GRID1: variants seen among roughly 807,000 people sequenced by gnomAD.
GRID1 encodes glutamate receptor ionotropic, delta-1.
A neutral mutation model predicts 98.0 loss-of-function variants in GRID1; 28 were observed. The ratio of observed to expected loss-of-function variants is 0.29; its 90% confidence interval spans 0.21 to 0.39. The LOEUF (loss-of-function observed/expected upper bound fraction) is 0.39. GRID1 is among the 10% of genes least tolerant of loss of function. The pLI is 1.00. For missense variants in GRID1, 1,111 were observed against 1,340.5 expected (o/e 0.83, Z 2.67); for synonymous variants, 553 against 538.5 (o/e 1.03, Z -0.37).
intron 11 of GRID1, among the ~76,000 whole-genome samples, chr10:85,723,380 T>C (rs904913144): frequency 1.3e-5 from 2 of 152,168 alleles, no homozygotes; most frequent in Non-Finnish European, 2.9e-5. Flanking sequence ...ACTGGGCTTC[T>C]AGTGGTGCGA....
At chr10:85,915,538 T>C (rs1205070539) in intron 5 of GRID1, among the ~76,000 whole-genome samples, 2 of 150,380 alleles carry the variant, frequency 1.3e-5, no homozygotes, top group East Asian at 2.0e-4. Flanking sequence ...TACACACACA[T>C]ACACTTGCAC....
At chr10:86,340,060 C>G (rs1023717492) in intron 2 of GRID1, among the ~76,000 whole-genome samples, 7 of 152,000 alleles carry the variant, frequency 4.6e-5, no homozygotes, top group African/African-American at 1.7e-4. Flanking sequence ...ACAGCAGGGA[C>G]TGGAGGAGGG....
intron 3 of GRID1, among the ~76,000 whole-genome samples, chr10:86,172,422 G>T (rs1845506417): frequency 1.3e-5 from 2 of 152,062 alleles, no homozygotes; most frequent in Admixed American, 6.5e-5. Context: ...TCATCATTTT[G>T]CAGATAGGGA....
At chr10:85,629,456 T>G (rs1842950559) in intron 13 of GRID1, among the ~76,000 whole-genome samples, 1 of 149,454 alleles carries the variant, frequency 6.7e-6, no homozygotes, top group Non-Finnish European at 1.5e-5. Context: ...ATTATTTAGC[T>G]CCCACTTAAA....
At chr10:85,703,978 T>C (rs914943405) in intron 12 of GRID1, among the ~76,000 whole-genome samples, 1 of 152,182 alleles carries the variant, frequency 6.6e-6, no homozygotes, top group Non-Finnish European at 1.5e-5. Context: ...TTATTTCTCC[T>C]TCACTTATGA....
intron 10 of GRID1, among the ~76,000 whole-genome samples, chr10:85,726,563 G>T (rs1244358627): frequency 3.3e-5 from 5 of 152,166 alleles, no homozygotes; most frequent in Non-Finnish European, 7.4e-5. Flanking sequence ...GGGAGGAGGG[G>T]TTTGTCTGGC....
At chr10:85,670,322 C>T (rs572331319) in intron 12 of GRID1, among the ~76,000 whole-genome samples, 1 of 152,288 alleles carries the variant, frequency 6.6e-6, no homozygotes, top group Non-Finnish European at 1.5e-5. Flanking sequence ...GGCACCAATG[C>T]TGAGACTTGC....
chr10:86,163,506 G>A lies in GRID1; in HGVS notation c.521-24482C>T, dbSNP rs1845353571. On this transcript the variant is annotated intron_variant, in intron 3 of 15. Transcript: ENST00000327946. Reference sequence around the variant, plus strand: ...TATACATATGCCATGTTGGGATGCTGCACCCGTTAATTTGACGCATTTCTT... The same window carrying A: ...TATACATATGCCATGTTGGGATGCTACACCCGTTAATTTGACGCATTTCTT... Among the ~76,000 whole-genome samples the A allele has an allele frequency of 2.0e-5, 3 of 151,666 alleles. No homozygotes were observed. The South Asian group carries it at 6.3e-4, about 32-fold the overall frequency.
intron 2 of GRID1, among the ~76,000 whole-genome samples, chr10:86,330,256 C>T (rs917474841): frequency 1.3e-5 from 2 of 152,172 alleles, no homozygotes; most frequent in African/African-American, 4.8e-5. Context: ...GCGCCAATTT[C>T]CCTTCCTCCC....
At chr10:86,062,708 T>G (rs770478093) in intron 4 of GRID1, among the ~76,000 whole-genome samples, 1 of 152,198 alleles carries the variant, frequency 6.6e-6, no homozygotes, top group Non-Finnish European at 1.5e-5. Flanking sequence ...CCACCAGTCA[T>G]GTGCTCTCAC....
intron 2 of GRID1, among the ~76,000 whole-genome samples, chr10:86,357,927 G>A (rs1249462390): frequency 6.6e-6 from 1 of 152,232 alleles, no homozygotes; most frequent in African/African-American, 2.4e-5. Flanking sequence ...CCCTTGGGGT[G>A]TAGGTAGGCA....
At chr10:86,300,091 C>A (rs2607856) in intron 2 of GRID1, among the ~76,000 whole-genome samples, 143,144 of 152,154 alleles carry the variant, frequency 0.94, 67,847 homozygotes, top group African/African-American at 0.98. Flanking sequence ...CCTCATATGA[C>A]GAGGAGAGAA....
At chr10:85,795,139 CT>C (rs1057456750) in intron 8 of GRID1, among the ~76,000 whole-genome samples, 1 of 152,152 alleles carries the variant, frequency 6.6e-6, no homozygotes, top group Admixed American at 6.5e-5. Context: ...ACTACCTATG[CT>C]TTTGTTCAAA....
chr10:85,942,359 T>C (rs1349766554), intron 4 of GRID1, among the ~76,000 whole-genome samples: 20 of 151,862 alleles, frequency 1.3e-4, no homozygotes, highest in Non-Finnish European at 4.4e-5. Context: ...TTGGTGGGGG[T>C]CTCCACCTTC....
At chr10:85,760,319 G>T (rs1394733123) in intron 8 of GRID1, among the ~76,000 whole-genome samples, 3 of 152,164 alleles carry the variant, frequency 2.0e-5, no homozygotes, top group African/African-American at 7.2e-5. Context: ...GATTTTAGGT[G>T]TTATTATTAT....
intron 5 of GRID1, among the ~76,000 whole-genome samples, chr10:85,912,437 C>T (rs1250405568): frequency 1.3e-5 from 2 of 152,100 alleles, no homozygotes; most frequent in Admixed American, 6.6e-5. Context: ...ATACGTAGCA[C>T]CAATACTCAC....
At chr10:86,141,401 G>A (rs1022550538) in intron 3 of GRID1, among the ~76,000 whole-genome samples, 1 of 152,138 alleles carries the variant, frequency 6.6e-6, no homozygotes, top group East Asian at 1.9e-4. Flanking sequence ...TGCAGAGATG[G>A]CTCAGGAGCC....
chr10:85,658,656 C>T (rs1840929985), intron 12 of GRID1, among the ~76,000 whole-genome samples: 2 of 152,166 alleles, frequency 1.3e-5, no homozygotes, highest in African/African-American at 4.8e-5. Context: ...GTCATGGGAA[C>T]ATGAAGTTGA....
rs1345668476 is a variant in GRID1, at chr10:85,879,768, T to G, written c.781-10588A>C. 6.6e-5 allele frequency among the ~76,000 whole-genome samples: 10 copies of G among 152,092 alleles called. No individual in the cohort carries two copies. In the South Asian group the frequency reaches 1.7e-3, roughly 25 times the overall value. On this transcript the variant is annotated intron_variant, in intron 5 of 15. Coordinates refer to ENST00000327946, the MANE Select transcript of GRID1 (RefSeq NM_017551.3). ...CTAGCAGAAGGCAAGAAATAACTAATATCAGAGCAGAACTGAAGGAAATAG... is the reference window on the plus strand; with the variant it reads ...CTAGCAGAAGGCAAGAAATAACTAAGATCAGAGCAGAACTGAAGGAAATAG...
Sources: allele counts gnomAD v4.1 joint callset (sites outside exome capture counted in the v4.1 genomes callset), GRCh38; gene constraint gnomAD v4.1.1; transcripts MANE v1.5; gene names NCBI Gene and HGNC (gene_info 2026-07-23, HGNC 2026-07-21).